MFSD12: variants seen among roughly 807,000 people sequenced by gnomAD.
The protein encoded by MFSD12 is major facilitator superfamily domain-containing protein 12.
In MFSD12, 67 loss-of-function variants were observed where a neutral mutation model predicts 51.2. The ratio of observed to expected loss-of-function variants is 1.31; its 90% CI spans 1.08 to 1.60. The LOEUF is 1.60. Ranked by LOEUF, MFSD12 falls within the 40% of genes most tolerant of loss-of-function variation. The probability of loss-of-function intolerance (pLI) is 0.00; values close to 1 mark genes in which losing one functional copy is unlikely to be tolerated. For synonymous variants in MFSD12, 441 were observed against 316.7 expected (o/e 1.39, Z -4.17); for missense variants, 921 against 673.0 (o/e 1.37, Z -4.08).
At chr19:3,539,965 A>G (rs776069231), downstream of MFSD12, 1 of 152,034 alleles carries the variant, frequency 6.6e-6, no homozygotes, top group Non-Finnish European at 1.5e-5. Flanking sequence ...TTAAACCAAG[A>G]TGGTGGCTGG....
chr19:3,544,314 G>C lies in MFSD12; in HGVS notation c.*396C>G, dbSNP rs2030747842. ...ACCACCCCGTGGCTGTCTCCTCCAG[G>C]CTCCAGCCGTCCTGAGGGGGCCCTG... On this transcript the variant is annotated 3_prime_UTR_variant, in exon 10 of 10. Coordinates refer to ENST00000355415, the MANE Select transcript of MFSD12 (RefSeq NM_174983.5). 1 of 1,273,888 alleles carries C rather than the reference G, an allele frequency of 7.8e-7. No homozygotes were observed. The highest frequency in any genetic ancestry group is 9.9e-7 in the Non-Finnish European group (1 of 1,010,004). 78.9% of individuals were successfully genotyped at this position (1,273,888 alleles called of 1,614,324 possible). A position where few individuals can be genotyped will look rare whatever the true frequency, so the allele number is the denominator to read the frequency against.
rs930985493 is a variant in MFSD12 at position 3,544,396 on chromosome 19, G to A, written c.*314C>T. ...AGGGGTGAACTGGACTGAGCTCAGG[G>A]TTAGGGTTCCCCCAGACCCTTCTGG... On this transcript the variant is annotated 3_prime_UTR_variant, in exon 10 of 10. Coordinates refer to ENST00000355415, the MANE Select transcript of MFSD12 (RefSeq NM_174983.5). 1.5e-6 allele frequency: 2 copies of A among 1,309,556 alleles called. No individual in the cohort carries two copies. The highest frequency in any genetic ancestry group is 1.9e-6 in the Non-Finnish European group (2 of 1,030,050). The allele number at this position is 1,309,556 out of a possible 1,614,324, so 81.1% of individuals were successfully genotyped here.
At position 3,547,483 on chromosome 19, in the gene MFSD12, T is replaced by G; in HGVS notation, c.902A>C (p.Tyr301Ser). Reference protein sequence around the residue: ...VNLSQTYMAMYLTYSLHLPKK... With the variant: ...VNLSQTYMAMSLTYSLHLPKK... ...GGGCAGGTGGAGCGAGTAGGTGAGG[T>G]ACATGGCCATGTAGGTCTGGGACAG... is the stretch of plus-strand genomic sequence containing the variant. Residue 301 changes from tyrosine to serine, a missense_variant, in exon 5 of 10, where the codon TAC (tyrosine) becomes TCC (serine). Coordinates refer to ENST00000355415, the MANE Select transcript of MFSD12 (RefSeq NM_174983.5). The G allele has an allele frequency of 6.2e-7, 1 of 1,613,000 alleles. No individual in the cohort carries two copies. The highest frequency in any genetic ancestry group is 8.5e-7 in the Non-Finnish European group (1 of 1,179,914).
chr19:3,547,155 C>T (rs2031129273), intron 6 of MFSD12, 117 bp downstream of exon 6: 3 of 912,680 alleles, frequency 3.3e-6, no homozygotes, highest in African/African-American at 1.6e-5. Context: ...GGGGCTTCTA[C>T]AAGGCGGGAA....
At chr19:3,543,286 G>C (rs757526976), downstream of MFSD12, 4 of 1,548,308 alleles carry the variant, frequency 2.6e-6, no homozygotes, top group South Asian at 2.4e-5. Context: ...CCATCAGGCA[G>C]GCCACACGCT....
intron 6 of MFSD12, 124 bp from the exon 7 acceptor site, chr19:3,546,549 C>G: frequency 1.7e-6 from 2 of 1,190,088 alleles, no homozygotes; most frequent in Non-Finnish European, 1.2e-6. Context: ...CCTAAGGAGC[C>G]CTGGCTCTGG....
intron 2 of MFSD12, among the ~76,000 whole-genome samples, chr19:3,550,033 T>TTTTTTCTAATGATAC (rs1173982322): frequency 6.8e-6 from 1 of 147,718 alleles, no homozygotes; most frequent in Non-Finnish European, 1.5e-5. Flanking sequence ...TTCTCCCTGC[T>TTTTTTCTAATGATAC]GGCCTCAGAA....
In MFSD12 at chr19:3,544,452, G is replaced by A; in HGVS notation, c.*258C>T. On this transcript the variant is annotated 3_prime_UTR_variant, in exon 10 of 10. Transcript: ENST00000355415. ...CTACTTCCTGTTCCCTGCCGAGAGG[G>A]GCACCCCAAATCCTCCAGAGGGCTG... 3.0e-6 allele frequency: 4 copies of A among 1,343,694 alleles called. No individual in the cohort carries two copies. Among genetic ancestry groups the A allele is most frequent in the Non-Finnish European group, 3.8e-6 (4 of 1,050,094 alleles). 83.2% of individuals were successfully genotyped at this position (1,343,694 alleles called of 1,614,324 possible). A position where few individuals can be genotyped will look rare whatever the true frequency, so the allele number is the denominator to read the frequency against.
rs2030815556 is a variant in MFSD12, at chr19:3,544,793, G to A, written c.1420+16C>T. 2 of 1,609,632 alleles carry A rather than the reference G, an allele frequency of 1.2e-6. No individual in the cohort carries two copies. On this transcript the variant is annotated intron_variant, in intron 9 of 9. Transcript: ENST00000355415. ...TGGGTCAGTGTCTGGGGAGGGAGGG[G>A]TGGGCCAGGACTCACAGCGTCGCAG...
chr19:3,543,446 C>T, downstream of MFSD12: 1 of 1,544,436 alleles, frequency 6.5e-7, no homozygotes, highest in Non-Finnish European at 8.7e-7. Context: ...CAGCTGCTAC[C>T]AACACCGTGA....
rs2031254663 is a variant in MFSD12 at position 3,548,379 on chromosome 19, T to C, written c.510-112A>G. On this transcript the variant is annotated intron_variant, in intron 2 of 9. Transcript: ENST00000355415. ...GGGGAACCCCTGACTGACAGGTGAT[T>C]CCAACCACTGCCACACTGGGTGGCC... The C allele has an allele frequency of 3.6e-6, 5 of 1,393,096 alleles. No individual in the cohort carries two copies. The South Asian group carries it at 6.5e-5, about 18-fold the overall frequency. The allele number at this position is 1,393,096 out of a possible 1,614,324, so 86.3% of individuals were successfully genotyped here. A position where few individuals can be genotyped will look rare whatever the true frequency, so the allele number is the denominator to read the frequency against.
At chr19:3,539,186 C>A in intron 4 of MFSD12, 1 of 1,550,438 alleles carries the variant, frequency 6.4e-7, no homozygotes, top group Non-Finnish European at 8.7e-7. Context: ...ACATGCAAAC[C>A]CTCAGGCAAG....
In MFSD12 at chr19:3,544,691, T is replaced by C; in HGVS notation, c.*19A>G. On this transcript the variant is annotated 3_prime_UTR_variant, in exon 10 of 10. Coordinates refer to ENST00000355415, the MANE Select transcript of MFSD12 (RefSeq NM_174983.5). Reference sequence around the variant, plus strand: ...CGTCCCCACAGTTCCCTTGCACAGGTGCAGGAGGCTGTCAGGAGTCAGGGC... The same window carrying C: ...CGTCCCCACAGTTCCCTTGCACAGGCGCAGGAGGCTGTCAGGAGTCAGGGC... The C allele has an allele frequency of 6.3e-7, 1 of 1,590,268 alleles. No individual in the cohort carries two copies. The highest frequency in any genetic ancestry group is 8.6e-7 in the Non-Finnish European group (1 of 1,167,578).
chr19:3,546,092 T>C lies in MFSD12; in HGVS notation c.1271A>G (p.Gln424Arg). 4 of 1,613,400 alleles carry C rather than the reference T, an allele frequency of 2.5e-6. No homozygotes were observed. Among genetic ancestry groups the C allele is most frequent in the Non-Finnish European group, 3.4e-6 (4 of 1,179,986 alleles). Reference protein sequence around the residue: ...VANGLAVMAIQSLHPCPSELC... With the variant: ...VANGLAVMAIRSLHPCPSELC... ...CACTCACGGGCAAGGGTGCAGGCTCTGGATGGCCATGACTGCCAGCCCATT... is the reference window on the plus strand; with the variant it reads ...CACTCACGGGCAAGGGTGCAGGCTCCGGATGGCCATGACTGCCAGCCCATT... The change falls in exon 8 of 10, where the codon CAG becomes CGG. Residue 424 changes from glutamine to arginine, a missense_variant. By Grantham distance (43) the Gln-to-Arg change is conservative (BLOSUM62 1). Transcript: ENST00000355415.
chr19:3,541,426 G>A (rs181482530), downstream of MFSD12, among the ~76,000 whole-genome samples: 17 of 149,524 alleles, frequency 1.1e-4, no homozygotes, highest in Admixed American at 6.7e-4. Context: ...GGGTTCTAGC[G>A]ATTCTCCTGC....
downstream of MFSD12, chr19:3,542,261 GC>G: frequency 1.0e-6 from 1 of 985,378 alleles, no homozygotes; most frequent in Middle Eastern, 5.2e-4. Context: ...AACTGACCAG[GC>G]TACTCCCATG....
chr19:3,556,461 G>A (rs1436837356), intron 1 of MFSD12, among the ~76,000 whole-genome samples: 2 of 152,184 alleles, frequency 1.3e-5, no homozygotes, highest in African/African-American at 4.8e-5. Flanking sequence ...CAGACAGAGG[G>A]GATACGGGGC....
At chr19:3,550,917 G>A (rs555671914) in intron 2 of MFSD12, 67 bp downstream of exon 2, 3 of 1,366,996 alleles carry the variant, frequency 2.2e-6, no homozygotes, top group Admixed American at 3.9e-5. Flanking sequence ...TCATTATGCA[G>A]TGCCACTGAC....
downstream of MFSD12, chr19:3,543,699 T>A: frequency 2.0e-6 from 3 of 1,508,794 alleles, no homozygotes; most frequent in Non-Finnish European, 2.7e-6. Flanking sequence ...AGGTGCAGGG[T>A]GGGTCCTTGG....
Sources: allele counts gnomAD v4.1 joint callset (sites outside exome capture counted in the v4.1 genomes callset), GRCh38; gene constraint gnomAD v4.1.1; transcripts MANE v1.5; gene names NCBI Gene and HGNC (gene_info 2026-07-23, HGNC 2026-07-21).